Variants in ADAMTSL3 observed in about 807,000 individuals in gnomAD.
ADAMTSL3 encodes the protein ADAMTS like 3.
A neutral mutation model predicts 201.7 loss-of-function variants in ADAMTSL3; 128 were observed. The observed-to-expected ratio is 0.63, with a 90% CI of 0.55 to 0.73. The LOEUF is 0.73. Among genes scored for constraint, ADAMTSL3 ranks in the 30% least tolerant of loss-of-function variants. The probability of loss-of-function intolerance (pLI) is 0.00; values close to 1 mark genes in which losing one functional copy is unlikely to be tolerated. For missense variants in ADAMTSL3, 1,990 were observed against 2,119.6 expected (o/e 0.94, Z 1.20); for synonymous variants, 738 against 748.4 (o/e 0.99, Z 0.23).
At chr15:83,895,662 A>G (rs1040495852) in intron 13 of ADAMTSL3, among the ~76,000 whole-genome samples, 4 of 152,176 alleles carry the variant, frequency 2.6e-5, no homozygotes, top group Non-Finnish European at 5.9e-5. Context: ...GCGGTTTAAA[A>G]GGAGAGGATA....
At chr15:83,676,207 T>A (rs1043309717) in intron 2 of ADAMTSL3, among the ~76,000 whole-genome samples, 1 of 152,198 alleles carries the variant, frequency 6.6e-6, no homozygotes, top group African/African-American at 2.4e-5. Flanking sequence ...CTTTTCTTTT[T>A]TTTCTAATGC....
At chr15:83,931,680 C>T (rs959486440) in intron 17 of ADAMTSL3, among the ~76,000 whole-genome samples, 2 of 151,956 alleles carry the variant, frequency 1.3e-5, no homozygotes, top group East Asian at 1.9e-4. Context: ...ATGGTAGATG[C>T]AGTATAAAAG....
At chr15:83,880,474 C>T (rs1254729421) in intron 9 of ADAMTSL3, among the ~76,000 whole-genome samples, 1 of 152,190 alleles carries the variant, frequency 6.6e-6, no homozygotes, top group Non-Finnish European at 1.5e-5. Context: ...TGAATAGTTG[C>T]AACAGAAACC....
intron 7 of ADAMTSL3, 88 bp downstream of exon 7, chr15:83,838,303 G>C (rs1459312746): frequency 1.6e-5 from 23 of 1,479,696 alleles, no homozygotes; most frequent in Non-Finnish European, 2.0e-5. Flanking sequence ...TGAATGTTAA[G>C]CTTTTTTAGT....
chr15:84,019,909 A>G (rs1299400566), intron 25 of ADAMTSL3, among the ~76,000 whole-genome samples: 1 of 151,464 alleles, frequency 6.6e-6, no homozygotes, highest in Non-Finnish European at 1.5e-5. Context: ...AAAAAAAAAA[A>G]AAGAAACCAA....
chr15:83,866,375 A>G (rs935407740), intron 8 of ADAMTSL3, among the ~76,000 whole-genome samples: 2 of 152,268 alleles, frequency 1.3e-5, no homozygotes, highest in African/African-American at 4.8e-5. Flanking sequence ...TGTAACAATG[A>G]TAGACTGGAT....
intron 7 of ADAMTSL3, among the ~76,000 whole-genome samples, chr15:83,844,148 G>A (rs185729009): frequency 6.6e-6 from 1 of 152,124 alleles, no homozygotes; most frequent in Non-Finnish European, 1.5e-5. Flanking sequence ...TAAGCTTTTT[G>A]TCCATTTTTA....
intron 27 of ADAMTSL3, among the ~76,000 whole-genome samples, chr15:84,030,421 T>C (rs2068385314): frequency 6.6e-6 from 1 of 152,156 alleles, no homozygotes; most frequent in Admixed American, 6.5e-5. Flanking sequence ...TATCGGAACT[T>C]TAAGATTTGA....
intron 10 of ADAMTSL3, among the ~76,000 whole-genome samples, chr15:83,885,926 G>A (rs1007510641): frequency 1.3e-5 from 2 of 152,084 alleles, no homozygotes; most frequent in Non-Finnish European, 2.9e-5. Flanking sequence ...GTTTCACCAC[G>A]TTGGCCAGGC....
At chr15:83,805,143 C>T (rs1308188843) in intron 5 of ADAMTSL3, among the ~76,000 whole-genome samples, 1 of 152,110 alleles carries the variant, frequency 6.6e-6, no homozygotes, top group Non-Finnish European at 1.5e-5. Flanking sequence ...TTATTTCTAC[C>T]TCAGTGTCAT....
At chr15:83,822,843 C>T (rs868856462) in intron 6 of ADAMTSL3, among the ~76,000 whole-genome samples, 2 of 151,750 alleles carry the variant, frequency 1.3e-5, no homozygotes, top group African/African-American at 2.4e-5. Flanking sequence ...CCAAGGCAGG[C>T]GGCTGGGAGG....
At chr15:83,754,902 T>G (rs1479842430) in intron 3 of ADAMTSL3, among the ~76,000 whole-genome samples, 3 of 152,232 alleles carry the variant, frequency 2.0e-5, no homozygotes, top group Non-Finnish European at 4.4e-5. Context: ...AAATTTCATA[T>G]TTAAATTTTA....
chr15:83,953,556 A>G (rs896637560), intron 19 of ADAMTSL3, among the ~76,000 whole-genome samples: 3 of 152,210 alleles, frequency 2.0e-5, no homozygotes, highest in Middle Eastern at 6.8e-3. Context: ...TTTCTACTTA[A>G]GATTAGTTTT....
At chr15:83,939,704 C>T (rs908010294) in intron 17 of ADAMTSL3, among the ~76,000 whole-genome samples, 7 of 151,758 alleles carry the variant, frequency 4.6e-5, no homozygotes, top group Non-Finnish European at 1.0e-4. Context: ...TCACTGAAAG[C>T]TCCGCCTCCT....
intron 3 of ADAMTSL3, among the ~76,000 whole-genome samples, chr15:83,746,710 G>A (rs1259993435): frequency 4.6e-5 from 7 of 152,062 alleles, no homozygotes; most frequent in Non-Finnish European, 8.8e-5. Context: ...TTTTTAAAAA[G>A]TGAAGTCAGC....
intron 25 of ADAMTSL3, among the ~76,000 whole-genome samples, chr15:84,017,475 A>C (rs7183235): frequency 0.34 from 50,933 of 152,032 alleles, 8,747 homozygotes; most frequent in Middle Eastern, 0.47. Context: ...AATAATGGCC[A>C]CGTCATTTTC....
Position 84,030,312 on chromosome 15 carries a change from G to A in ADAMTSL3, c.4657-1023G>A, listed in dbSNP as rs1452124275. Among the ~76,000 whole-genome samples the A allele has an allele frequency of 5.9e-5, 9 of 152,280 alleles. No individual in the cohort carries two copies. In the East Asian group the frequency reaches 1.7e-3, roughly 29 times the overall value. ...GACTGTACCCTGCAAAGCCACAGAG[G>A]AGGAGCTGCTTAAGGCCATGGGAGC... On this transcript the variant is annotated intron_variant, in intron 27 of 29. Transcript: ENST00000286744.
chr15:83,709,688 A>G (rs905583253), intron 3 of ADAMTSL3, among the ~76,000 whole-genome samples: 7 of 152,204 alleles, frequency 4.6e-5, no homozygotes, highest in Non-Finnish European at 8.8e-5. Flanking sequence ...AAAGCCTGTG[A>G]CAAGCACAGT....
intron 9 of ADAMTSL3, among the ~76,000 whole-genome samples, chr15:83,874,695 C>T (rs2065146491): frequency 8.0e-6 from 1 of 125,460 alleles, no homozygotes. Flanking sequence ...GGATAGGGGT[C>T]CCAGCCACAC....
Sources: allele counts gnomAD v4.1 joint callset (sites outside exome capture counted in the v4.1 genomes callset), GRCh38; gene constraint gnomAD v4.1.1; transcripts MANE v1.5; gene names NCBI Gene and HGNC (gene_info 2026-07-23, HGNC 2026-07-21).